The following GRIA1 variants were observed in gnomAD, a reference collection of about 807,000 sequenced individuals.
GRIA1 encodes the protein glutamate receptor 1.
A neutral mutation model predicts 99.2 loss-of-function variants in GRIA1; 31 were observed. The ratio of observed to expected loss-of-function variants is 0.31; its 90% CI spans 0.23 to 0.42. The LOEUF (loss-of-function observed/expected upper bound fraction) is 0.42. Among genes scored for constraint, GRIA1 ranks in the 10% least tolerant of loss-of-function variants. The pLI is 1.00. For missense variants in GRIA1, 782 were observed against 1,157.5 expected, an observed-to-expected ratio of 0.68 and a Z score of 4.71; for synonymous variants, 438 against 432.4, an observed-to-expected ratio of 1.01 and a Z score of -0.16.
intron 2 of GRIA1, among the ~76,000 whole-genome samples, chr5:153,513,876 A>C (rs1184401488): frequency 6.6e-6 from 1 of 152,232 alleles, no homozygotes; most frequent in African/African-American, 2.4e-5. Flanking sequence ...AACAATCCCT[A>C]TCACAAGCAG....
In GRIA1 at chr5:153,709,289, C is replaced by T. The variant is rs115782521; in HGVS notation, c.1823+3222C>T. On this transcript the variant is annotated intron_variant, in intron 11 of 15. Transcript: ENST00000285900. ...TTCATCAAACATCCTTCCAAATGAG[C>T]TTCAATTAACTGATCTTGCTGCTTA... is the stretch of plus-strand genomic sequence containing the variant. Among the ~76,000 whole-genome samples the T allele has an allele frequency of 1.6e-3, 239 of 152,308 alleles. 1 individual carries two copies. Among genetic ancestry groups the T allele is most frequent in the Admixed American group, 3.0e-3 (46 of 15,288 alleles).
intron 13 of GRIA1, among the ~76,000 whole-genome samples, chr5:153,773,048 A>G (rs1256643574): frequency 6.6e-6 from 1 of 152,202 alleles, no homozygotes; most frequent in Non-Finnish European, 1.5e-5. Context: ...AGTGACATGA[A>G]CCTAAAACTC....
chr5:153,636,493 G>A (rs183014431), intron 2 of GRIA1, among the ~76,000 whole-genome samples: 5 of 152,192 alleles, frequency 3.3e-5, no homozygotes, highest in Admixed American at 1.3e-4. Context: ...ATTGTCTTTG[G>A]CTGCCTTCAT....
chr5:153,750,464 C>A (rs575638387), intron 11 of GRIA1, among the ~76,000 whole-genome samples: 1 of 152,126 alleles, frequency 6.6e-6, no homozygotes, highest in Non-Finnish European at 1.5e-5. Context: ...GGGGATGACA[C>A]GACGTGTTTT....
chr5:153,701,831 T>C (rs1208525036), intron 10 of GRIA1, among the ~76,000 whole-genome samples: 1 of 152,192 alleles, frequency 6.6e-6, no homozygotes, highest in East Asian at 1.9e-4. Context: ...TGTGGCTTTC[T>C]AAATAACTAA....
chr5:153,620,172 G>A (rs1459939438), intron 2 of GRIA1, among the ~76,000 whole-genome samples: 1 of 152,184 alleles, frequency 6.6e-6, no homozygotes, highest in Admixed American at 6.5e-5. Context: ...GAAGTATAAT[G>A]TGGTTTCTTT....
intron 2 of GRIA1, among the ~76,000 whole-genome samples, chr5:153,597,380 G>A (rs1052727818): frequency 5.3e-5 from 8 of 152,084 alleles, no homozygotes; most frequent in Non-Finnish European, 5.9e-5. Flanking sequence ...TAGGTTTGTG[G>A]CCCAATTAGG....
intron 1 of GRIA1, chr5:153,491,386 C>T (rs1753904021): frequency 2.7e-6 from 2 of 750,250 alleles, no homozygotes; most frequent in East Asian, 9.9e-5. Flanking sequence ...ATTACATATG[C>T]ACATATATAT....
rs546654884 is a variant in GRIA1 at position 153,678,927 on chromosome 5, G to T, written c.1029+1766G>T. On this transcript the variant is annotated intron_variant, in intron 7 of 15. Transcript: ENST00000285900. ...CTTCCCCATGAAAATGAAGGGGGTG[G>T]AGAGAGGACCTCAAGTCTCAACTGG... Among the ~76,000 whole-genome samples, 22 of 152,308 alleles carry T rather than the reference G, an allele frequency of 1.4e-4. No homozygotes were observed. In the East Asian group the frequency reaches 3.1e-3, roughly 21 times the overall value.
intron 2 of GRIA1, among the ~76,000 whole-genome samples, chr5:153,641,878 G>A (rs939995611): frequency 6.6e-6 from 1 of 152,180 alleles, no homozygotes; most frequent in African/African-American, 2.4e-5. Context: ...ATAGTTGTCA[G>A]TCTCTCCCAT....
chr5:153,569,827 G>T (rs1230431334), intron 2 of GRIA1, among the ~76,000 whole-genome samples: 2 of 152,100 alleles, frequency 1.3e-5, no homozygotes, highest in African/African-American at 4.8e-5. Context: ...ACCTAAAGAG[G>T]TGCAGAGGAA....
chr5:153,695,465 G>A (rs186122146), intron 8 of GRIA1, among the ~76,000 whole-genome samples: 4 of 152,286 alleles, frequency 2.6e-5, no homozygotes, highest in Admixed American at 2.6e-4. Context: ...CCTCTTCACT[G>A]CCCCTCACCA....
rs528899970 is a variant in GRIA1, at chr5:153,799,039, C to G, written c.2386-3317C>G. ...TGTCACTCTTCTTGGTACTGTCACT[C>G]TCTTTCCCCACTCCTGGCGGGAGGT... On this transcript the variant is annotated intron_variant, in intron 14 of 15. Transcript: ENST00000285900. Among the ~76,000 whole-genome samples, 6 of 151,638 alleles carry G rather than the reference C, an allele frequency of 4.0e-5. No individual in the cohort carries two copies. The South Asian group carries it at 8.4e-4, about 21-fold the overall frequency.
At chr5:153,665,043 A>G (rs1755644320) in intron 5 of GRIA1, among the ~76,000 whole-genome samples, 1 of 152,222 alleles carries the variant, frequency 6.6e-6, no homozygotes, top group Non-Finnish European at 1.5e-5. Context: ...TTGCTCTGAA[A>G]TGGCCTTGGC....
rs1195771253 is a variant in GRIA1 at position 153,743,127 on chromosome 5, T to C, written c.1824-21307T>C. 5.3e-5 allele frequency among the ~76,000 whole-genome samples: 8 copies of C among 152,038 alleles called. 1 individual carries two copies. The South Asian group carries it at 1.7e-3, about 32-fold the overall frequency. On this transcript the variant is annotated intron_variant, in intron 11 of 15. Transcript: ENST00000285900. ...CTTAACTGCCTCTTCACCCAGAAAA[T>C]AGAGAGGAGAAAAGTGGAGACCGAG...
chr5:153,511,709 G>A (rs531784536), intron 2 of GRIA1, among the ~76,000 whole-genome samples: 3 of 152,310 alleles, frequency 2.0e-5, no homozygotes, highest in East Asian at 1.9e-4. Context: ...GCCAGGTCAC[G>A]ATGCTAACAC....
intron 5 of GRIA1, among the ~76,000 whole-genome samples, chr5:153,663,780 T>C (rs1419110521): frequency 1.3e-5 from 2 of 152,202 alleles, no homozygotes; most frequent in Non-Finnish European, 2.9e-5. Flanking sequence ...TTTTCCTGAT[T>C]GTCTTCAGTT....
chr5:153,705,451 G>A (rs1261511998), intron 10 of GRIA1, among the ~76,000 whole-genome samples: 2 of 152,122 alleles, frequency 1.3e-5, no homozygotes, highest in African/African-American at 2.4e-5. Flanking sequence ...GTAGTATGAG[G>A]AAGATGCCTC....
At chr5:153,564,450 T>C (rs35073762) in intron 2 of GRIA1, among the ~76,000 whole-genome samples, 20,012 of 152,224 alleles carry the variant, frequency 0.13, 1,486 homozygotes, top group South Asian at 0.24. Context: ...GGTGACTTTC[T>C]ACAACAATCT....
Sources: allele counts gnomAD v4.1 joint callset (sites outside exome capture counted in the v4.1 genomes callset), GRCh38; gene constraint gnomAD v4.1.1; transcripts MANE v1.5; gene names NCBI Gene and HGNC (gene_info 2026-07-23, HGNC 2026-07-21).